CDC42BPA: variants seen among roughly 807,000 people sequenced by gnomAD.
CDC42BPA encodes serine/threonine-protein kinase MRCK alpha.
Under a neutral mutation model 223.5 loss-of-function variants are expected in CDC42BPA, and 80 were observed. The ratio of observed to expected loss-of-function variants is 0.36; its 90% CI spans 0.30 to 0.43. CDC42BPA has a LOEUF of 0.43. Among genes scored for constraint, CDC42BPA ranks in the 20% least tolerant of loss-of-function variants. The pLI is 1.00. For missense variants in CDC42BPA, 1,743 were observed against 2,099.9 expected (o/e 0.83, Z 3.32); for synonymous variants, 694 against 718.6 (o/e 0.97, Z 0.55).
At chr1:227,123,675 G>A (rs1689061140) in intron 11 of CDC42BPA, among the ~76,000 whole-genome samples, 1 of 152,208 alleles carries the variant, frequency 6.6e-6, no homozygotes, top group Admixed American at 6.5e-5. Context: ...AGACCCAGTG[G>A]GAGGTTGGCA....
At chr1:227,095,747 G>A (rs560492806) in intron 15 of CDC42BPA, among the ~76,000 whole-genome samples, 3 of 152,022 alleles carry the variant, frequency 2.0e-5, no homozygotes, top group South Asian at 4.2e-4. Flanking sequence ...ACATGCCACT[G>A]TGTCTGGCTA....
At chr1:227,301,703 A>G (rs1691664341) in intron 1 of CDC42BPA, among the ~76,000 whole-genome samples, 1 of 152,074 alleles carries the variant, frequency 6.6e-6, no homozygotes, top group African/African-American at 2.4e-5. Context: ...TGTTTTTAAA[A>G]TTTTCATTTT....
chr1:227,081,042 A>C (rs113130779), intron 16 of CDC42BPA, 25 bp from the exon 17 acceptor site: 1 of 1,611,922 alleles, frequency 6.2e-7, no homozygotes, highest in Non-Finnish European at 8.5e-7. Context: ...TAAGACATGC[A>C]TGACTTTTAG....
intron 2 of CDC42BPA, among the ~76,000 whole-genome samples, chr1:227,236,682 A>G (rs1024193247): frequency 9.9e-5 from 15 of 152,186 alleles, no homozygotes; most frequent in African/African-American, 2.9e-4. Context: ...AGAACATGCA[A>G]TAACACAGAA....
intron 2 of CDC42BPA, among the ~76,000 whole-genome samples, chr1:227,232,029 T>G (rs1256047120): frequency 6.6e-6 from 1 of 152,220 alleles, no homozygotes; most frequent in African/African-American, 2.4e-5. Flanking sequence ...TGCCATTGCT[T>G]TTCGTGTTTT....
At chr1:227,216,044 T>C (rs1282118105) in intron 2 of CDC42BPA, among the ~76,000 whole-genome samples, 1 of 152,162 alleles carries the variant, frequency 6.6e-6, no homozygotes, top group East Asian at 1.9e-4. Flanking sequence ...TGAGGAATGT[T>C]AATACGGAAA....
intron 2 of CDC42BPA, among the ~76,000 whole-genome samples, chr1:227,218,345 T>C (rs974387454): frequency 6.6e-6 from 1 of 152,208 alleles, no homozygotes; most frequent in African/African-American, 2.4e-5. Flanking sequence ...TCATTACTTA[T>C]TGTCTTTTTC....
chr1:227,149,221 G>GT (rs2149703912), intron 6 of CDC42BPA, among the ~76,000 whole-genome samples: 1 of 152,196 alleles, frequency 6.6e-6, no homozygotes, highest in Admixed American at 6.5e-5. Flanking sequence ...GTAGAAATTC[G>GT]TAACATTACA....
intron 1 of CDC42BPA, among the ~76,000 whole-genome samples, chr1:227,303,559 G>C (rs1004515124): frequency 6.6e-6 from 1 of 152,252 alleles, no homozygotes; most frequent in East Asian, 1.9e-4. Flanking sequence ...TTCTAAACCA[G>C]CCTCAATCAA....
intron 15 of CDC42BPA, among the ~76,000 whole-genome samples, chr1:227,093,324 C>CTGT (rs1464806048): frequency 3.3e-5 from 5 of 152,224 alleles, no homozygotes; most frequent in African/African-American, 1.2e-4. Context: ...CTGCACAACA[C>CTGT]TGACCAAACC....
intron 5 of CDC42BPA, among the ~76,000 whole-genome samples, chr1:227,173,474 T>C (rs1572134397): frequency 6.6e-6 from 1 of 152,178 alleles, no homozygotes; most frequent in South Asian, 2.1e-4. Context: ...AGTCATACTA[T>C]GTTTTGCCTC....
intron 22 of CDC42BPA, among the ~76,000 whole-genome samples, chr1:227,049,016 C>A (rs950228293): frequency 1.3e-5 from 2 of 151,866 alleles, no homozygotes; most frequent in African/African-American, 4.8e-5. Context: ...AGTTGAGTTT[C>A]TCAGAGTTTT....
At chr1:227,100,616 T>C (rs888995628) in intron 15 of CDC42BPA, among the ~76,000 whole-genome samples, 1 of 151,924 alleles carries the variant, frequency 6.6e-6, no homozygotes, top group Admixed American at 6.6e-5. Flanking sequence ...TTTTTTTCCC[T>C]GGTAGAGATA....
In CDC42BPA at chr1:227,016,983, G is replaced by A. The variant is rs1317390970; in HGVS notation, c.4683C>T (p.Asn1561=). The A allele has an allele frequency of 6.2e-7, 1 of 1,613,374 alleles. No individual in the cohort carries two copies. The highest frequency in any genetic ancestry group is 1.7e-5 in the Admixed American group (1 of 59,946). Residue 1561 remains asparagine (N), a synonymous_variant, in exon 33 of 37, where the codon AAC becomes AAT. Transcript: ENST00000366766. ...NSRKQMVRNI[N]NKRRYSFRVP... ...CTCTGAAGGAATAACGCCGCTTATT[G>A]TTAATGTTTCTAACCATTTGTTTCC...
rs35451914 is a variant in CDC42BPA, at chr1:227,317,511, TA to T, written c.-330del. The T allele has an allele frequency of 0.054, 19,990 of 368,138 alleles. 28 individuals carry two copies. The highest frequency in any genetic ancestry group is 0.064 in the Non-Finnish European group (13,377 of 209,616). The allele number at this position is 368,138 out of a possible 1,614,324, so 22.8% of individuals were successfully genotyped here. On this transcript the variant is annotated 5_prime_UTR_variant, in exon 1 of 37. It removes the in-frame stop codon of an upstream open reading frame in the 5' UTR. Coordinates refer to ENST00000366766, the MANE Select transcript of CDC42BPA (RefSeq NM_001394014.1). ...ACGAACTAGAGAGTCAACACTTCTT[TA>T]AAAAAAAAAAAAAAAACTCTTCTCC...
chr1:227,198,913 AATTTTTTTGT>A (rs1392798635), intron 4 of CDC42BPA, among the ~76,000 whole-genome samples: 1 of 152,006 alleles, frequency 6.6e-6, no homozygotes, highest in African/African-American at 2.4e-5. Flanking sequence ...ACGCCCGGCT[AATTTTTTTGT>A]ATTTTTAGTA....
At chr1:227,241,991 G>A (rs1386584089) in intron 2 of CDC42BPA, among the ~76,000 whole-genome samples, 1 of 151,984 alleles carries the variant, frequency 6.6e-6, no homozygotes, top group Non-Finnish European at 1.5e-5. Flanking sequence ...GTTCCAAAAT[G>A]TAAGATTATA....
At chr1:227,284,773 C>A (rs972021029) in intron 1 of CDC42BPA, among the ~76,000 whole-genome samples, 1 of 151,964 alleles carries the variant, frequency 6.6e-6, no homozygotes, top group Non-Finnish European at 1.5e-5. Context: ...CCAGCCTGGG[C>A]AACATGGCAA....
chr1:227,017,701 G>A (rs3795454), intron 32 of CDC42BPA, among the ~76,000 whole-genome samples: 49,269 of 151,860 alleles, frequency 0.32, 8,378 homozygotes, highest in East Asian at 0.56. Flanking sequence ...AGTCTTATCC[G>A]ATGTCAGTTT....
Sources: gnomAD v4.1 joint callset for allele counts (sites outside exome capture counted in the v4.1 genomes callset) on GRCh38, gnomAD v4.1.1 for gene constraint, MANE v1.5 for transcripts, NCBI Gene and HGNC (gene_info 2026-07-23, HGNC 2026-07-21) for gene names.